CARM1: variants seen among roughly 807,000 people sequenced by gnomAD.
CARM1 encodes coactivator associated arginine methyltransferase 1, also known as histone-arginine methyltransferase CARM1.
Under a neutral mutation model 72.7 loss-of-function variants are expected in CARM1, and 14 were observed. The observed-to-expected ratio is 0.19, with a 90% confidence interval of 0.13 to 0.30. The LOEUF (loss-of-function observed/expected upper bound fraction) is 0.30, where lower values mean the gene tolerates loss of function less well. Ranked by LOEUF, CARM1 falls within the 10% of genes least tolerant of loss-of-function variation. The pLI, the probability that CARM1 is intolerant of heterozygous loss-of-function variation, is 1.00. For missense variants in CARM1, 432 were observed against 833.7 expected, an observed-to-expected ratio of 0.52 and a Z score of 5.93; for synonymous variants, 333 against 345.5, an observed-to-expected ratio of 0.96 and a Z score of 0.40.
At position 10,896,046 on chromosome 19, in the gene CARM1, G is replaced by A. The variant is rs1202181844; in HGVS notation, c.221-8905G>A. 6.6e-6 allele frequency among the ~76,000 whole-genome samples: 1 copy of A among 152,106 alleles called. No homozygotes were observed. The highest frequency in any genetic ancestry group is 1.5e-5 in the Non-Finnish European group (1 of 67,998). On this transcript the variant is annotated intron_variant, in intron 1 of 15. Coordinates refer to ENST00000327064, the MANE Select transcript of CARM1 (RefSeq NM_199141.2). The surrounding 1 kb of genome is among the most constrained non-coding windows in gnomAD (Gnocchi z 5.2). The stretch of plus-strand genomic sequence containing the variant: ...AGTGAGACTGCAGACATTGGCAGGG[G>A]GCTGGTTCCGGAAGGTGCTGGGGAA...
intron 2 of CARM1, among the ~76,000 whole-genome samples, chr19:10,906,921 T>TTTTATTTTAG (rs2074109639): frequency 7.0e-6 from 1 of 143,830 alleles, no homozygotes; most frequent in Non-Finnish European, 1.5e-5. Flanking sequence ...TTTTATTTTA[T>TTTTATTTTAG]TTTGAGACAG....
chr19:10,897,731 T>TGA (rs2074034461), intron 1 of CARM1, among the ~76,000 whole-genome samples: 1 of 152,158 alleles, frequency 6.6e-6, no homozygotes, highest in Non-Finnish European at 1.5e-5. Context: ...CTCACACCGG[T>TGA]GATCTCAGCA....
At position 10,903,271 on chromosome 19, in the gene CARM1, G is replaced by A. The variant is rs62131837; in HGVS notation, c.221-1680G>A. 4.1e-3 allele frequency among the ~76,000 whole-genome samples: 625 copies of A among 152,114 alleles called. 3 individuals carry two copies. The highest frequency in any genetic ancestry group is 6.7e-3 in the Non-Finnish European group (454 of 68,004). ...ACACTGTTTTCATTACTGTACCTTC[G>A]TAGTAAAATTTGAAATTGAGACATG... On this transcript the variant is annotated intron_variant, in intron 1 of 15. Coordinates refer to ENST00000327064, the MANE Select transcript of CARM1 (RefSeq NM_199141.2).
chr19:10,921,181 G>A (rs192387902), intron 14 of CARM1, 54 bp downstream of exon 14: 7 of 1,569,632 alleles, frequency 4.5e-6, no homozygotes, highest in Non-Finnish European at 6.1e-6. Context: ...GGACTGCCCA[G>A]GGGCCGGGAA....
chr19:10,909,473 C>T (rs370259477), intron 4 of CARM1, among the ~76,000 whole-genome samples: 3 of 151,044 alleles, frequency 2.0e-5, no homozygotes, highest in Non-Finnish European at 4.4e-5. Flanking sequence ...CGGTGGCTCA[C>T]GCCTGTAATC....
chr19:10,905,988 G>T lies in CARM1; in HGVS notation c.346+912G>T, dbSNP rs527972571. On this transcript the variant is annotated intron_variant, in intron 2 of 15. Transcript: ENST00000327064. Reference sequence around the variant, plus strand: ...TTTTGAGAAAGAGTGTCACTCTGTTGCCCAGGCTGGAGTTCAGTGGTGCTA... The same window carrying T: ...TTTTGAGAAAGAGTGTCACTCTGTTTCCCAGGCTGGAGTTCAGTGGTGCTA... Among the ~76,000 whole-genome samples the T allele has an allele frequency of 4.4e-5, 5 of 113,188 alleles. No individual in the cohort carries two copies. In the Admixed American group the frequency reaches 4.8e-4, roughly 11 times the overall value. 74.3% of individuals were successfully genotyped at this position (113,188 alleles called of 152,430 possible). A position where few individuals can be genotyped will look rare whatever the true frequency, so the allele number is the denominator to read the frequency against.
intron 1 of CARM1, among the ~76,000 whole-genome samples, chr19:10,880,714 C>T (rs1466786022): frequency 6.6e-6 from 1 of 152,128 alleles, no homozygotes; most frequent in African/African-American, 2.4e-5. Flanking sequence ...CCCATGAGCC[C>T]CTCACAATTG....
intron 1 of CARM1, among the ~76,000 whole-genome samples, chr19:10,882,901 G>A (rs888874421): frequency 4.6e-5 from 7 of 152,142 alleles, no homozygotes; most frequent in African/African-American, 1.7e-4. Context: ...TGCTGGGGAA[G>A]TGGTCTAGGG....
chr19:10,875,333 T>C (rs2073854784), intron 1 of CARM1, among the ~76,000 whole-genome samples: 1 of 148,482 alleles, frequency 6.7e-6, no homozygotes, highest in Non-Finnish European at 1.5e-5. Context: ...TCTTTTTTCC[T>C]TTTTTTTTTA....
chr19:10,877,174 T>G (rs2073870909), intron 1 of CARM1, among the ~76,000 whole-genome samples: 1 of 152,014 alleles, frequency 6.6e-6, no homozygotes, highest in South Asian at 2.1e-4. Context: ...GTGCCCCATC[T>G]TTAGGACATC....
intron 1 of CARM1, among the ~76,000 whole-genome samples, chr19:10,878,995 C>A (rs1307633376): frequency 6.6e-6 from 1 of 152,030 alleles, no homozygotes; most frequent in Non-Finnish European, 1.5e-5. Flanking sequence ...TTAGTAGAGA[C>A]GGGGTATCGC....
rs192767747 is a variant in CARM1, at chr19:10,912,484, C to T, written c.669+190C>T. On this transcript the variant is annotated intron_variant, in intron 5 of 15. Transcript: ENST00000327064. This position sits in a 1 kb window ranked among gnomAD's most constrained non-coding sequence, Gnocchi z 4.5. ...GCCTGAGATGATTTTCTCTCATGGC[C>T]GGTAGTCAGGGCCACATGTCATTTC... is the stretch of plus-strand genomic sequence containing the variant. Among the ~76,000 whole-genome samples the T allele has an allele frequency of 2.0e-5, 3 of 150,984 alleles. No homozygotes were observed. The highest frequency in any genetic ancestry group is 2.9e-5 in the Non-Finnish European group (2 of 67,880).
At position 10,912,682 on chromosome 19, in the gene CARM1, C is replaced by T. The variant is rs952476611; in HGVS notation, c.669+388C>T. ...AGTCTGAGCAGAGCTATTCCGTGAG[C>T]GTCCTCTCGCACCAGTGGAGGCTGC... On this transcript the variant is annotated intron_variant, in intron 5 of 15. Coordinates refer to ENST00000327064, the MANE Select transcript of CARM1 (RefSeq NM_199141.2). This position sits in a 1 kb window ranked among gnomAD's most constrained non-coding sequence, Gnocchi z 4.5. Among the ~76,000 whole-genome samples the T allele has an allele frequency of 5.3e-5, 8 of 152,160 alleles. No homozygotes were observed. The East Asian group carries it at 7.7e-4, about 15-fold the overall frequency.
chr19:10,900,443 A>G (rs1458619022), intron 1 of CARM1, among the ~76,000 whole-genome samples: 1 of 152,094 alleles, frequency 6.6e-6, no homozygotes, highest in Non-Finnish European at 1.5e-5. Context: ...AAATAGAATC[A>G]TTTGTGTCTG....
rs1412063774 is a variant in CARM1, at chr19:10,921,896, C to CT, written c.*145dup. ...TCTCTTTGCTATGGGAACTGGGACA[C>CT]TTTTTTACACGATGTTGCCGCCGTC... On this transcript the variant is annotated 3_prime_UTR_variant, in exon 16 of 16. Coordinates refer to ENST00000327064, the MANE Select transcript of CARM1 (RefSeq NM_199141.2). 2.4e-6 allele frequency: 2 copies of CT among 832,140 alleles called. No individual in the cohort carries two copies. The highest frequency in any genetic ancestry group is 3.7e-6 in the Non-Finnish European group (2 of 541,204). 51.5% of individuals were successfully genotyped at this position (832,140 alleles called of 1,614,324 possible).
chr19:10,921,224 G>T lies in CARM1; in HGVS notation c.1615+97G>T, dbSNP rs118039897. 1.1e-5 allele frequency: 16 copies of T among 1,451,632 alleles called. No individual in the cohort carries two copies. In the East Asian group the frequency reaches 3.2e-4, roughly 29 times the overall value. The allele number at this position is 1,451,632 out of a possible 1,614,324, so 89.9% of individuals were successfully genotyped here. On this transcript the variant is annotated intron_variant, in intron 14 of 15. Coordinates refer to ENST00000327064, the MANE Select transcript of CARM1 (RefSeq NM_199141.2). ...TGGTGACCAGGGTCGGCCTCTGCTT[G>T]GTCCTTTCACCTTTTCCTCTTCCTG...
chr19:10,871,984 G>C lies in CARM1; in HGVS notation c.220+62G>C. Reference sequence around the variant, plus strand: ...GCTGCTCACGAGGCCGGCCCGGGGCGGGGGCCGGCGGGGAGGGGCCCTGAG... The same window carrying C: ...GCTGCTCACGAGGCCGGCCCGGGGCCGGGGCCGGCGGGGAGGGGCCCTGAG... On this transcript the variant is annotated intron_variant, in intron 1 of 15. Coordinates refer to ENST00000327064, the MANE Select transcript of CARM1 (RefSeq NM_199141.2). This position sits in a 1 kb window ranked among gnomAD's most constrained non-coding sequence, Gnocchi z 5.6. 2 of 1,146,398 alleles carry C rather than the reference G, an allele frequency of 1.7e-6. No homozygotes were observed. The highest frequency in any genetic ancestry group is 4.3e-5 in the South Asian group (1 of 23,328). The allele number at this position is 1,146,398 out of a possible 1,614,324, so 71.0% of individuals were successfully genotyped here. A position where few individuals can be genotyped will look rare whatever the true frequency, so the allele number is the denominator to read the frequency against.
chr19:10,883,347 C>T (rs79403945), intron 1 of CARM1, among the ~76,000 whole-genome samples: 1 of 152,044 alleles, frequency 6.6e-6, no homozygotes, highest in Non-Finnish European at 1.5e-5. Context: ...AAGACCCCCT[C>T]GTCCCCAGTG....
At chr19:10,902,943 A>C (rs1183244505) in intron 1 of CARM1, among the ~76,000 whole-genome samples, 2 of 152,164 alleles carry the variant, frequency 1.3e-5, no homozygotes, top group African/African-American at 2.4e-5. Flanking sequence ...CTAAATACTT[A>C]ACAATAGATG....
Sources: allele counts gnomAD v4.1 joint callset (sites outside exome capture counted in the v4.1 genomes callset), GRCh38; gene constraint gnomAD v4.1.1; non-coding constraint Gnocchi (gnomAD v3.1); transcripts MANE v1.5; gene names NCBI Gene and HGNC (gene_info 2026-07-23, HGNC 2026-07-21).